Variants in SNTG2 observed in about 807,000 individuals in gnomAD.
SNTG2 encodes syntrophin gamma 2.
Under a neutral mutation model 70.9 loss-of-function variants are expected in SNTG2, and 74 were observed. The ratio of observed to expected loss-of-function variants is 1.04; its 90% CI spans 0.86 to 1.27. The LOEUF (loss-of-function observed/expected upper bound fraction) is 1.27. Among genes scored for constraint, SNTG2 ranks in the 50% most tolerant of loss-of-function variants. SNTG2 has a pLI of 0.00. For missense variants in SNTG2, 717 were observed against 690.7 expected (o/e 1.04, Z -0.43); for synonymous variants, 278 against 273.8 (o/e 1.02, Z -0.15).
At chr2:1,156,115 C>T (rs749911951) in intron 6 of SNTG2, among the ~76,000 whole-genome samples, 46 of 152,142 alleles carry the variant, frequency 3.0e-4, no homozygotes, top group Non-Finnish European at 5.6e-4. Flanking sequence ...AGAGAAATGG[C>T]ACAGGGCCGC....
Position 1,311,156 on chromosome 2 carries a change from G to A in SNTG2, c.1377+2570G>A, listed in dbSNP as rs572891037. Among the ~76,000 whole-genome samples, 4 of 152,284 alleles carry A rather than the reference G, an allele frequency of 2.6e-5. No homozygotes were observed. The South Asian group carries it at 8.3e-4, about 32-fold the overall frequency. On this transcript the variant is annotated intron_variant, in intron 15 of 16. Coordinates refer to ENST00000308624, the MANE Select transcript of SNTG2 (RefSeq NM_018968.4). ...CCTCAGCTGAGGTTCTTCTCTGCTC[G>A]CTGTCCTCTCCACTCTAGGTCAACT...
intron 16 of SNTG2, among the ~76,000 whole-genome samples, chr2:1,326,133 G>T (rs11890895): frequency 0.5 from 76,398 of 151,954 alleles, 19,457 homozygotes; most frequent in Middle Eastern, 0.66. Flanking sequence ...GCACCCAGCC[G>T]GCATATCAGA....
At chr2:1,212,138 C>T (rs193201136) in intron 9 of SNTG2, among the ~76,000 whole-genome samples, 3 of 152,222 alleles carry the variant, frequency 2.0e-5, no homozygotes, top group Admixed American at 1.3e-4. Context: ...GAGGTGGGGC[C>T]TGGTGGGATT....
intron 6 of SNTG2, among the ~76,000 whole-genome samples, chr2:1,155,174 C>CACA (rs376428558): frequency 0.44 from 65,160 of 146,594 alleles, 17,609 homozygotes; most frequent in Non-Finnish European, 0.61. Context: ...CGTAGACCCC[C>CACA]CCCCCACACA....
chr2:1,288,398 A>G (rs923395310), intron 14 of SNTG2, among the ~76,000 whole-genome samples: 5 of 152,232 alleles, frequency 3.3e-5, no homozygotes, highest in East Asian at 1.9e-4. Context: ...TGTATCGCCA[A>G]AAACATAAAT....
intron 16 of SNTG2, among the ~76,000 whole-genome samples, chr2:1,321,886 TTCCTTTCC>T (rs1681542647): frequency 1.9e-5 from 1 of 53,426 alleles, no homozygotes; most frequent in Admixed American, 2.1e-4. Flanking sequence ...CCTTCCTTCC[TTCCTTTCC>T]TTCTTTCTTC....
intron 1 of SNTG2, among the ~76,000 whole-genome samples, chr2:954,917 C>CT (rs1315071925): frequency 1.3e-5 from 2 of 152,152 alleles, no homozygotes; most frequent in African/African-American, 2.4e-5. Flanking sequence ...AAATAGTTTG[C>CT]TTTTTAAGGA....
At chr2:1,078,185 A>C (rs989249704) in intron 1 of SNTG2, among the ~76,000 whole-genome samples, 6 of 152,206 alleles carry the variant, frequency 3.9e-5, no homozygotes, top group Admixed American at 3.9e-4. Flanking sequence ...CCCCTCGGAT[A>C]TGCCAGGCTG....
intron 1 of SNTG2, among the ~76,000 whole-genome samples, chr2:962,258 G>A (rs556483549): frequency 3.3e-5 from 5 of 151,296 alleles, no homozygotes; most frequent in African/African-American, 1.2e-4. Context: ...CTTTTATACC[G>A]ATGGGGTCCC....
intron 1 of SNTG2, among the ~76,000 whole-genome samples, chr2:1,075,976 C>T (rs1419873777): frequency 1.3e-5 from 2 of 152,148 alleles, no homozygotes; most frequent in African/African-American, 4.8e-5. Flanking sequence ...AGGCACAGAG[C>T]GGTGAGGCAG....
intron 2 of SNTG2, among the ~76,000 whole-genome samples, chr2:1,092,567 C>T (rs920643410): frequency 2.6e-5 from 4 of 152,188 alleles, no homozygotes; most frequent in Non-Finnish European, 4.4e-5. Context: ...CATGAGTTTG[C>T]AGCCATAACA....
At chr2:1,261,798 A>C (rs1394056008) in intron 13 of SNTG2, among the ~76,000 whole-genome samples, 3 of 152,068 alleles carry the variant, frequency 2.0e-5, no homozygotes, top group Non-Finnish European at 4.4e-5. Context: ...TCCCCACCTA[A>C]GGAGCACTCT....
intron 9 of SNTG2, among the ~76,000 whole-genome samples, chr2:1,224,099 C>T (rs1184242031): frequency 1.3e-5 from 2 of 152,180 alleles, no homozygotes; most frequent in Non-Finnish European, 2.9e-5. Flanking sequence ...CTCCCTGCGG[C>T]CTCTTCTGTA....
At chr2:1,004,586 A>T (rs1174352683) in intron 1 of SNTG2, among the ~76,000 whole-genome samples, 2 of 152,212 alleles carry the variant, frequency 1.3e-5, no homozygotes, top group Non-Finnish European at 1.5e-5. Context: ...ATGTCAGGGA[A>T]TTGCAAATTA....
intron 1 of SNTG2, among the ~76,000 whole-genome samples, chr2:1,034,611 C>T (rs1389853030): frequency 6.6e-6 from 1 of 152,144 alleles, no homozygotes; most frequent in African/African-American, 2.4e-5. Context: ...TGCAACATCA[C>T]CAGCATCTGT....
At chr2:1,215,576 T>G (rs1674330444) in intron 9 of SNTG2, among the ~76,000 whole-genome samples, 2 of 152,080 alleles carry the variant, frequency 1.3e-5, no homozygotes, top group Admixed American at 1.3e-4. Flanking sequence ...TTATTATACT[T>G]TAAGTTCTAG....
chr2:1,180,402 G>C (rs1243599780), intron 8 of SNTG2, among the ~76,000 whole-genome samples: 1 of 131,568 alleles, frequency 7.6e-6, no homozygotes, highest in African/African-American at 2.7e-5. Flanking sequence ...CAAAAAGTGG[G>C]CAAAGGACAT....
intron 9 of SNTG2, among the ~76,000 whole-genome samples, chr2:1,232,247 A>G (rs989828901): frequency 6.6e-6 from 1 of 152,074 alleles, no homozygotes; most frequent in African/African-American, 2.4e-5. Flanking sequence ...GGACCTATTG[A>G]ACTTTTCTTT....
Position 1,121,165 on chromosome 2 carries a change from A to G in SNTG2, c.326-16457A>G, listed in dbSNP as rs540026018. ...GCCCTGAACAATCAATGGGTCACAG[A>G]AGGAATCAAAAGTGAAATTTGAAAA... On this transcript the variant is annotated intron_variant, in intron 4 of 16. Transcript: ENST00000308624. 2.1e-4 allele frequency among the ~76,000 whole-genome samples: 32 copies of G among 152,232 alleles called. No individual in the cohort carries two copies. In the East Asian group the frequency reaches 6.0e-3, roughly 28 times the overall value.
Sources: gnomAD v4.1 joint callset for allele counts (sites outside exome capture counted in the v4.1 genomes callset) on GRCh38, gnomAD v4.1.1 for gene constraint, MANE v1.5 for transcripts, NCBI Gene and HGNC (gene_info 2026-07-23, HGNC 2026-07-21) for gene names.